RALGPS1: variants seen among roughly 807,000 people sequenced by gnomAD.
RALGPS1 encodes ras-specific guanine nucleotide-releasing factor RalGPS1.
In RALGPS1, 19 loss-of-function variants were observed where a neutral mutation model predicts 78.8. The observed-to-expected ratio is 0.24, with a 90% confidence interval of 0.17 to 0.35. The LOEUF (loss-of-function observed/expected upper bound fraction) is 0.35. Among genes scored for constraint, RALGPS1 ranks in the 10% least tolerant of loss-of-function variants. The pLI, the probability that RALGPS1 is intolerant of heterozygous loss-of-function variation, is 1.00. For synonymous variants in RALGPS1, 228 were observed against 256.3 expected (o/e 0.89, Z 1.06); for missense variants, 454 against 688.3 (o/e 0.66, Z 3.81).
intron 8 of RALGPS1, among the ~76,000 whole-genome samples, chr9:127,159,144 TAAC>T (rs2058868134): frequency 6.6e-6 from 1 of 152,184 alleles, no homozygotes; most frequent in African/African-American, 2.4e-5. Context: ...CCAATAACAG[TAAC>T]CAGATGCATG....
intron 11 of RALGPS1, among the ~76,000 whole-genome samples, chr9:127,194,692 C>T (rs931018132): frequency 2.0e-5 from 3 of 152,202 alleles, no homozygotes; most frequent in African/African-American, 7.2e-5. Flanking sequence ...GGATTACAGG[C>T]GTGAGCCACC....
At chr9:127,075,694 C>T (rs769936226) in intron 8 of RALGPS1, among the ~76,000 whole-genome samples, 1 of 152,214 alleles carries the variant, frequency 6.6e-6, no homozygotes, top group Non-Finnish European at 1.5e-5. Context: ...TAGGTCAGTC[C>T]CTGATACTTC....
chr9:126,949,856 G>T (rs1775521293), intron 1 of RALGPS1, among the ~76,000 whole-genome samples: 2 of 152,038 alleles, frequency 1.3e-5, no homozygotes, highest in Non-Finnish European at 1.5e-5. Context: ...TGTTGCCATT[G>T]CTTTTGGTGT....
intron 4 of RALGPS1, among the ~76,000 whole-genome samples, chr9:127,017,512 G>A (rs1031567148): frequency 1.3e-5 from 2 of 152,020 alleles, no homozygotes; most frequent in African/African-American, 2.4e-5. Flanking sequence ...GGACATTACT[G>A]TAATACACAA....
At chr9:126,918,250 G>A (rs182225570) in intron 1 of RALGPS1, among the ~76,000 whole-genome samples, 5 of 152,124 alleles carry the variant, frequency 3.3e-5, no homozygotes, top group African/African-American at 9.7e-5. Context: ...ATTTTTGTTC[G>A]TAAACATACA....
chr9:127,171,384 GA>G (rs35453141), intron 10 of RALGPS1, among the ~76,000 whole-genome samples: 148,490 of 152,200 alleles, frequency 0.98, 72,445 homozygotes, highest in East Asian at 1. Context: ...ACTTTCATGT[GA>G]AAAAAAAATG....
At position 127,199,169 on chromosome 9, in the gene RALGPS1, C is replaced by A. The variant is rs548015778; in HGVS notation, c.1247+103C>A. ...GGGACGGGCCCTGCCCCACCCACCC[C>A]ATGAGGCTGCTCTGTGGCTCCTTCA... On this transcript the variant is annotated intron_variant, in intron 14 of 18. Coordinates refer to ENST00000259351, the MANE Select transcript of RALGPS1 (RefSeq NM_014636.3). 9.7e-4 allele frequency: 1,011 copies of A among 1,044,602 alleles called. 3 individuals are homozygous for A. Among genetic ancestry groups the A allele is most frequent in the Non-Finnish European group, 1.3e-3 (896 of 664,074 alleles). The allele number at this position is 1,044,602 out of a possible 1,614,324, so 64.7% of individuals were successfully genotyped here.
intron 8 of RALGPS1, among the ~76,000 whole-genome samples, chr9:127,110,320 C>T (rs954296397): frequency 5.3e-5 from 8 of 152,190 alleles, no homozygotes; most frequent in Admixed American, 1.3e-4. Flanking sequence ...GGGCTCCCTT[C>T]TTGACCTTCC....
intron 4 of RALGPS1, among the ~76,000 whole-genome samples, chr9:127,005,792 A>T (rs2043783400): frequency 6.6e-6 from 1 of 152,164 alleles, no homozygotes. Context: ...GAGTGAGGTA[A>T]ACCTTTCAAT....
At chr9:127,182,120 T>C (rs1254328796) in intron 11 of RALGPS1, among the ~76,000 whole-genome samples, 1 of 151,310 alleles carries the variant, frequency 6.6e-6, no homozygotes, top group Non-Finnish European at 1.5e-5. Context: ...GGCAGATGGC[T>C]TGAGCCCAGA....
intron 4 of RALGPS1, chr9:126,990,092 A>T (rs1273599003): frequency 4.9e-6 from 7 of 1,414,942 alleles, no homozygotes. Context: ...CGTCGGACAA[A>T]CCCTGTGTGT....
intron 8 of RALGPS1, among the ~76,000 whole-genome samples, chr9:127,130,331 A>G (rs779607227): frequency 3.3e-5 from 5 of 152,222 alleles, no homozygotes; most frequent in Non-Finnish European, 7.3e-5. Context: ...TGCTCAGTAA[A>G]TGCTGGCTTT....
At chr9:127,089,943 G>A (rs749869886) in intron 8 of RALGPS1, among the ~76,000 whole-genome samples, 118 of 152,196 alleles carry the variant, frequency 7.8e-4, no homozygotes, top group Non-Finnish European at 1.6e-3. Flanking sequence ...CAGGGGAGGG[G>A]CTGCTCCAGT....
chr9:127,188,886 G>A (rs1188150616), intron 11 of RALGPS1, among the ~76,000 whole-genome samples: 1 of 141,256 alleles, frequency 7.1e-6, no homozygotes, highest in Non-Finnish European at 1.5e-5. Context: ...TATAATCCCA[G>A]CTGCTTGGGA....
At chr9:127,177,718 G>A (rs895786402) in intron 11 of RALGPS1, among the ~76,000 whole-genome samples, 12 of 152,176 alleles carry the variant, frequency 7.9e-5, no homozygotes, top group Admixed American at 5.2e-4. Flanking sequence ...TCAAGAATGG[G>A]GTCACTCACT....
rs915535820 is a variant in RALGPS1 at position 127,220,865 on chromosome 9, A to G, written c.*2096A>G. The G allele has an allele frequency of 4.6e-5, 7 of 152,628 alleles. No individual in the cohort carries two copies. Among genetic ancestry groups the G allele is most frequent in the Non-Finnish European group, 8.8e-5 (6 of 68,042 alleles). 9.5% of individuals were successfully genotyped at this position (152,628 alleles called of 1,614,324 possible). A position where few individuals can be genotyped will look rare whatever the true frequency, so the allele number is the denominator to read the frequency against. On this transcript the variant is annotated 3_prime_UTR_variant, in exon 19 of 19. Transcript: ENST00000259351. ...AAAACCTCAGAATTTCAGGCACCAC[A>G]AAAACAGGTAATTTTCTATCCCTTA...
intron 7 of RALGPS1, among the ~76,000 whole-genome samples, chr9:127,056,518 A>G (rs149910650): frequency 1.3e-5 from 2 of 152,176 alleles, no homozygotes; most frequent in Non-Finnish European, 2.9e-5. Context: ...TTGTTAATCC[A>G]AGGACTACAT....
intron 8 of RALGPS1, among the ~76,000 whole-genome samples, chr9:127,086,362 GTCCAT>G (rs1228594996): frequency 1.3e-5 from 2 of 152,132 alleles, no homozygotes; most frequent in East Asian, 3.9e-4. Flanking sequence ...GCACACATCT[GTCCAT>G]TCCCTTGTCA....
At chr9:127,052,154 T>C (rs996074341) in intron 6 of RALGPS1, among the ~76,000 whole-genome samples, 4 of 152,198 alleles carry the variant, frequency 2.6e-5, no homozygotes, top group East Asian at 1.9e-4. Context: ...TTTGATTCCA[T>C]AGAGCGTGCC....
Sources: gnomAD v4.1 joint callset for allele counts (sites outside exome capture counted in the v4.1 genomes callset) on GRCh38, gnomAD v4.1.1 for gene constraint, MANE v1.5 for transcripts, NCBI Gene and HGNC (gene_info 2026-07-23, HGNC 2026-07-21) for gene names.